DOCK2: variants seen among roughly 807,000 people sequenced by gnomAD.
DOCK2 encodes the protein dedicator of cytokinesis 2.
A neutral mutation model predicts 248.9 loss-of-function variants in DOCK2; 87 were observed. The observed-to-expected ratio is 0.35, with a 90% confidence interval of 0.29 to 0.42. DOCK2 has a LOEUF of 0.42. Among genes scored for constraint, DOCK2 ranks in the 10% least tolerant of loss-of-function variants. The pLI is 1.00. For missense variants in DOCK2, 1,747 were observed against 2,300.2 expected (o/e 0.76, Z 4.92); for synonymous variants, 805 against 821.6 (o/e 0.98, Z 0.35).
At chr5:169,917,541 A>C (rs1053303414) in intron 27 of DOCK2, among the ~76,000 whole-genome samples, 2 of 152,224 alleles carry the variant, frequency 1.3e-5, no homozygotes, top group African/African-American at 4.8e-5. Context: ...TTGACTTCCC[A>C]TCAAGAGAAG....
intron 27 of DOCK2, among the ~76,000 whole-genome samples, chr5:169,969,215 C>T (rs1489019233): frequency 2.0e-5 from 3 of 152,022 alleles, no homozygotes; most frequent in Non-Finnish European, 4.4e-5. Context: ...GAGGCTGAGG[C>T]AGATAGATCA....
chr5:169,985,844 C>T lies in DOCK2; in HGVS notation c.2915C>T (p.Thr972Ile). 2 of 1,609,260 alleles carry T rather than the reference C, an allele frequency of 1.2e-6. No homozygotes were observed. The highest frequency in any genetic ancestry group is 1.7e-6 in the Non-Finnish European group (2 of 1,177,116). ...TTGTTTCAGGACTTCTTGATGGAGA[C>T]CTTCATCATGTTCAAGGACCTCATT... is the stretch of plus-strand genomic sequence containing the variant. ...SSELVDFLME[T>I]FIMFKDLIGK... The change falls in exon 29 of 52, where the codon ACC becomes ATC. Residue 972 changes from threonine (T) to isoleucine (I), a missense_variant. Around this residue, in one of 4 missense-constraint regions of DOCK2, gnomAD observed 858 missense variants for 1,183.5 expected, o/e 0.72. Transcript: ENST00000520908.
At chr5:169,985,759 T>A in intron 28 of DOCK2, 69 bp from the exon 29 acceptor site, 1 of 1,347,062 alleles carries the variant, frequency 7.4e-7, no homozygotes, top group Non-Finnish European at 1.0e-6. Flanking sequence ...GCAAAAAAAT[T>A]TGAAGAGCCA....
At chr5:169,892,775 G>C (rs1006976815) in intron 27 of DOCK2, among the ~76,000 whole-genome samples, 1 of 152,166 alleles carries the variant, frequency 6.6e-6, no homozygotes, top group African/African-American at 2.4e-5. Flanking sequence ...GAGGACAGTA[G>C]AGTGAACATA....
chr5:169,780,936 A>G (rs534450133), intron 25 of DOCK2, among the ~76,000 whole-genome samples: 4 of 152,366 alleles, frequency 2.6e-5, no homozygotes, highest in Non-Finnish European at 5.9e-5. Context: ...AATATTATAC[A>G]TTAAAATAAA....
chr5:170,076,025 G>A lies in DOCK2; in HGVS notation c.4807G>A (p.Glu1603Lys). 6 of 1,613,836 alleles carry A rather than the reference G, an allele frequency of 3.7e-6. No homozygotes were observed. Among genetic ancestry groups the A allele is most frequent in the Non-Finnish European group, 5.1e-6 (6 of 1,179,832 alleles). ...CTTGCGACCCTTCCATGACCGGATG[G>A]AGGAATGTTTCAAGAACCTGAAAAT... ...DNLRPFHDRM[E>K]ECFKNLKMKV... The change falls in exon 47 of 52, where the codon GAG becomes AAG. Residue 1603 changes from glutamate (E) to lysine (K), a missense_variant. By Grantham distance (56) the Glu-to-Lys change is moderately conservative (BLOSUM62 1). This residue lies in a region of DOCK2 where 513 missense variants were observed against 586.1 expected (regional missense o/e 0.88). Coordinates refer to ENST00000520908, the MANE Select transcript of DOCK2 (RefSeq NM_004946.3).
At chr5:169,800,360 T>C (rs974272526) in intron 25 of DOCK2, among the ~76,000 whole-genome samples, 12 of 152,182 alleles carry the variant, frequency 7.9e-5, no homozygotes, top group Non-Finnish European at 1.8e-4. Flanking sequence ...TCACTCTTCC[T>C]ATTGCAATAT....
intron 1 of DOCK2, among the ~76,000 whole-genome samples, chr5:169,643,979 G>T (rs1024950487): frequency 6.6e-6 from 1 of 152,120 alleles, no homozygotes; most frequent in Non-Finnish European, 1.5e-5. Context: ...CTTCCCTGGC[G>T]GTGGCAGTCA....
At chr5:170,045,239 G>A (rs1193444243) in intron 38 of DOCK2, among the ~76,000 whole-genome samples, 1 of 152,150 alleles carries the variant, frequency 6.6e-6, no homozygotes, top group Non-Finnish European at 1.5e-5. Context: ...GAGAACTGGG[G>A]CCTGGTCCCA....
chr5:169,899,825 T>C (rs1773818466), intron 27 of DOCK2, among the ~76,000 whole-genome samples: 1 of 152,242 alleles, frequency 6.6e-6, no homozygotes, highest in Non-Finnish European at 1.5e-5. Flanking sequence ...TTTTTATTCT[T>C]ACTTTCTTTA....
chr5:169,862,088 T>G (rs1771239824), intron 27 of DOCK2, among the ~76,000 whole-genome samples: 1 of 152,228 alleles, frequency 6.6e-6, no homozygotes. Flanking sequence ...ACCTCAAACA[T>G]CTCTTTATCT....
At chr5:169,971,137 T>C (rs1035433404) in intron 27 of DOCK2, among the ~76,000 whole-genome samples, 4 of 146,850 alleles carry the variant, frequency 2.7e-5, no homozygotes, top group African/African-American at 1.0e-4. Flanking sequence ...GACAGGGAAG[T>C]GGGACAAATG....
chr5:169,960,020 G>A (rs866039713), intron 27 of DOCK2, among the ~76,000 whole-genome samples: 32 of 152,216 alleles, frequency 2.1e-4, no homozygotes, highest in Non-Finnish European at 8.8e-5. Context: ...CAGAGGCAGA[G>A]TGTCGGATCT....
At chr5:169,859,287 T>G (rs1029984162) in intron 27 of DOCK2, among the ~76,000 whole-genome samples, 1 of 151,892 alleles carries the variant, frequency 6.6e-6, no homozygotes, top group African/African-American at 2.4e-5. Flanking sequence ...GGAGTAGGGG[T>G]GGTATGATAT....
intron 14 of DOCK2, 60 bp from the exon 15 acceptor site, chr5:169,708,108 CA>C (rs1225192817): frequency 3.8e-6 from 6 of 1,570,100 alleles, no homozygotes; most frequent in Non-Finnish European, 5.2e-6. Flanking sequence ...ACCAAACCTG[CA>C]CAAGCACAGA....
At chr5:169,930,237 G>T (rs944764152) in intron 27 of DOCK2, among the ~76,000 whole-genome samples, 2 of 152,126 alleles carry the variant, frequency 1.3e-5, no homozygotes, top group Non-Finnish European at 2.9e-5. Flanking sequence ...TGATCCGCCT[G>T]CCTCGGCCTC....
At chr5:169,840,643 G>A in intron 26 of DOCK2, 114 bp from the exon 27 acceptor site, 1 of 769,282 alleles carries the variant, frequency 1.3e-6, no homozygotes. Flanking sequence ...TGGTGGTGGT[G>A]TTGGTGATGG....
chr5:169,813,681 C>T (rs1393636831), intron 26 of DOCK2, among the ~76,000 whole-genome samples: 1 of 152,214 alleles, frequency 6.6e-6, no homozygotes, highest in Non-Finnish European at 1.5e-5. Context: ...TTAAGAAAAA[C>T]TAAACACCCA....
At chr5:169,877,577 G>A (rs374184247) in intron 27 of DOCK2, among the ~76,000 whole-genome samples, 1 of 152,180 alleles carries the variant, frequency 6.6e-6, no homozygotes, top group East Asian at 1.9e-4. Context: ...GGTGAAATAG[G>A]TGTGTTTGGG....
Sources: allele counts gnomAD v4.1 joint callset (sites outside exome capture counted in the v4.1 genomes callset), GRCh38; gene constraint gnomAD v4.1.1; regional missense constraint gnomAD v4.1.1; transcripts MANE v1.5; gene names NCBI Gene and HGNC (gene_info 2026-07-23, HGNC 2026-07-21).